The following UTRN variants were observed in gnomAD, a reference collection of about 807,000 sequenced individuals.
The protein encoded by UTRN is utrophin, also known as dystrophin-related protein 1.
A neutral mutation model predicts 463.9 loss-of-function variants in UTRN; 283 were observed. The ratio of observed to expected loss-of-function variants is 0.61; its 90% confidence interval spans 0.55 to 0.67. The LOEUF (loss-of-function observed/expected upper bound fraction) is 0.67, where lower values mean the gene tolerates loss of function less well. Among genes scored for constraint, UTRN ranks in the 30% least tolerant of loss-of-function variants. The pLI is 0.00. For synonymous variants in UTRN, 1,442 were observed against 1,431.5 expected (o/e 1.01, Z -0.17); for missense variants, 3,922 against 4,084.3 (o/e 0.96, Z 1.08).
chr6:144,675,061 G>A (rs1234325790), intron 51 of UTRN, among the ~76,000 whole-genome samples: 7 of 152,088 alleles, frequency 4.6e-5, no homozygotes, highest in Non-Finnish European at 2.9e-5. Context: ...TGCTTTTTTA[G>A]TTCCCCTTCT....
chr6:144,607,977 CA>C (rs1279795944), intron 51 of UTRN, among the ~76,000 whole-genome samples: 1 of 152,150 alleles, frequency 6.6e-6, no homozygotes, highest in African/African-American at 2.4e-5. Flanking sequence ...CCTTCTAACA[CA>C]AATCTTGTGT....
At chr6:144,614,021 A>G (rs182711057) in intron 51 of UTRN, among the ~76,000 whole-genome samples, 1 of 152,180 alleles carries the variant, frequency 6.6e-6, no homozygotes, top group Admixed American at 6.5e-5. Context: ...GGAAAGAATG[A>G]TTCTCTCATT....
At chr6:144,517,388 G>C (rs1206547695) in intron 39 of UTRN, among the ~76,000 whole-genome samples, 2 of 151,098 alleles carry the variant, frequency 1.3e-5, no homozygotes, top group African/African-American at 2.4e-5. Context: ...TTTAAAGATG[G>C]GGTATCTCTA....
At chr6:144,311,991 G>T (rs1806306196) in intron 2 of UTRN, 1 of 152,182 alleles carries the variant, frequency 6.6e-6, no homozygotes, top group Non-Finnish European at 1.5e-5. Context: ...GACAGTATCA[G>T]GTGCTGTGGG....
chr6:144,825,528 C>A (rs1329315081), intron 66 of UTRN, among the ~76,000 whole-genome samples: 1 of 151,570 alleles, frequency 6.6e-6, no homozygotes, highest in African/African-American at 2.4e-5. Context: ...CTTGAGAAAC[C>A]CTTCAGTTCA....
intron 53 of UTRN, 134 bp from the exon 54 acceptor site, chr6:144,730,222 CT>C (rs1788371890): frequency 1.0e-6 from 1 of 1,003,856 alleles, no homozygotes; most frequent in Non-Finnish European, 1.3e-6. Flanking sequence ...TACATTTTGG[CT>C]TCTAACTTAG....
intron 3 of UTRN, among the ~76,000 whole-genome samples, chr6:144,404,193 A>G (rs1783178460): frequency 6.6e-6 from 1 of 152,202 alleles, no homozygotes; most frequent in Non-Finnish European, 1.5e-5. Flanking sequence ...GGGGTATTTT[A>G]TCTTGCCTGT....
chr6:144,511,588 T>G (rs1276427145), intron 35 of UTRN, among the ~76,000 whole-genome samples: 1 of 152,228 alleles, frequency 6.6e-6, no homozygotes, highest in Non-Finnish European at 1.5e-5. Flanking sequence ...TTGTTTAATT[T>G]GTAAAATGGA....
Position 144,539,407 on chromosome 6 carries a change from A to T in UTRN, c.6483A>T (p.Ser2161=). The change falls in exon 45 of 75, where the codon TCA becomes TCT. Residue 2161 remains serine, a synonymous_variant. Transcript: ENST00000367545. The stretch of plus-strand genomic sequence containing the variant: ...GTTTACCTGAAAGGGATAAAATTTC[A>T]GAAAGCTTAAGGACTGTAAATATGA... ...SLSLPERDKI[S]ESLRTVNMTW... is the part of the protein sequence containing the mutation. The T allele has an allele frequency of 6.2e-7, 1 of 1,613,210 alleles. No homozygotes were observed. Among genetic ancestry groups the T allele is most frequent in the Non-Finnish European group, 8.5e-7 (1 of 1,179,580 alleles).
At chr6:144,639,669 T>G (rs1777560397) in intron 51 of UTRN, among the ~76,000 whole-genome samples, 1 of 150,662 alleles carries the variant, frequency 6.6e-6, no homozygotes, top group South Asian at 2.1e-4. Context: ...ATACACAGTC[T>G]TATTGCTTCT....
At chr6:144,674,402 TAA>T (rs1480689276) in intron 51 of UTRN, among the ~76,000 whole-genome samples, 1 of 151,902 alleles carries the variant, frequency 6.6e-6, no homozygotes. Context: ...CTTTGAGCTC[TAA>T]AGTTTTTTTT....
intron 34 of UTRN, among the ~76,000 whole-genome samples, chr6:144,504,215 T>C (rs146495302): frequency 1.3e-5 from 2 of 152,332 alleles, no homozygotes; most frequent in East Asian, 3.9e-4. Context: ...CTCTTCCTAT[T>C]TGAATACGCT....
At chr6:144,390,976 G>A (rs1562332369) in intron 2 of UTRN, among the ~76,000 whole-genome samples, 1 of 95,356 alleles carries the variant, frequency 1.0e-5, no homozygotes, top group South Asian at 3.1e-4. Context: ...CAAAATAGTT[G>A]TACAACTAAT....
chr6:144,798,313 G>A (rs1273007652), intron 64 of UTRN, among the ~76,000 whole-genome samples: 1 of 152,126 alleles, frequency 6.6e-6, no homozygotes, highest in Non-Finnish European at 1.5e-5. Flanking sequence ...ATATAACCCT[G>A]ATGGAATTTG....
chr6:144,406,459 C>T (rs1783426310), intron 3 of UTRN, among the ~76,000 whole-genome samples: 2 of 151,548 alleles, frequency 1.3e-5, no homozygotes, highest in Non-Finnish European at 2.9e-5. Context: ...CTCTGCCTCC[C>T]AGGTTGCAGC....
intron 53 of UTRN, among the ~76,000 whole-genome samples, chr6:144,710,537 C>T (rs924084125): frequency 6.6e-6 from 1 of 150,580 alleles, no homozygotes; most frequent in African/African-American, 2.4e-5. Flanking sequence ...ATTAAATGTG[C>T]GTACTTTCTT....
intron 52 of UTRN, among the ~76,000 whole-genome samples, chr6:144,687,839 T>C (rs1782921314): frequency 6.6e-6 from 1 of 152,172 alleles, no homozygotes; most frequent in African/African-American, 2.4e-5. Context: ...CTGATGTCCT[T>C]TTTGTAGTGA....
At chr6:144,711,021 T>A (rs1562800547) in intron 53 of UTRN, among the ~76,000 whole-genome samples, 2 of 152,128 alleles carry the variant, frequency 1.3e-5, no homozygotes, top group Admixed American at 1.3e-4. Context: ...AGGACTGTTT[T>A]AAAATAAATG....
chr6:144,788,627 C>T (rs937860707), intron 61 of UTRN, among the ~76,000 whole-genome samples: 5 of 150,752 alleles, frequency 3.3e-5, no homozygotes, highest in African/African-American at 9.8e-5. Context: ...TGCAATGGCA[C>T]GATCTCGGCT....
Sources: gnomAD v4.1 joint callset for allele counts (sites outside exome capture counted in the v4.1 genomes callset) on GRCh38, gnomAD v4.1.1 for gene constraint, MANE v1.5 for transcripts, NCBI Gene and HGNC (gene_info 2026-07-23, HGNC 2026-07-21) for gene names.